The following MEIS2 variants were observed in gnomAD, a reference collection of about 807,000 sequenced individuals.
MEIS2 encodes the protein homeobox protein Meis2.
Under a neutral mutation model 58.6 loss-of-function variants are expected in MEIS2, and 9 were observed. The observed-to-expected ratio is 0.15, with a 90% CI of 0.09 to 0.27. The LOEUF is 0.27. Among genes scored for constraint, MEIS2 ranks in the 10% least tolerant of loss-of-function variants. MEIS2 has a pLI of 1.00. For synonymous variants in MEIS2, 221 were observed against 228.4 expected, an observed-to-expected ratio of 0.97 and a Z score of 0.29; for missense variants, 427 against 635.0, an observed-to-expected ratio of 0.67 and a Z score of 3.52.
chr15:36,918,841 C>A (rs1336473695), intron 9 of MEIS2, among the ~76,000 whole-genome samples: 1 of 152,106 alleles, frequency 6.6e-6, no homozygotes, highest in Non-Finnish European at 1.5e-5. Context: ...AGAAAAGGTA[C>A]CGGACTGAAG....
At chr15:36,938,969 G>T (rs1471121587) in intron 9 of MEIS2, among the ~76,000 whole-genome samples, 1 of 152,098 alleles carries the variant, frequency 6.6e-6, no homozygotes, top group African/African-American at 2.4e-5. Flanking sequence ...TGTGGACAGG[G>T]GTGTCAGCCT....
intron 9 of MEIS2, chr15:36,897,569 T>G (rs1274811641): frequency 6.6e-6 from 1 of 152,114 alleles, no homozygotes; most frequent in Non-Finnish European, 1.5e-5. Flanking sequence ...ACAAACAGAG[T>G]AAGATGATAA....
chr15:37,003,388 T>A (rs36117261), intron 8 of MEIS2, among the ~76,000 whole-genome samples: 270 of 152,234 alleles, frequency 1.8e-3, no homozygotes, highest in Non-Finnish European at 2.6e-3. Flanking sequence ...AAATTTTCTG[T>A]TTTAAAATTG....
intron 8 of MEIS2, among the ~76,000 whole-genome samples, chr15:36,971,186 T>C (rs1224332528): frequency 1.3e-5 from 2 of 152,114 alleles, no homozygotes; most frequent in Admixed American, 6.5e-5. Context: ...AAAAACCTGT[T>C]TGGCCATATT....
At chr15:37,040,010 C>T (rs559687125) in intron 7 of MEIS2, among the ~76,000 whole-genome samples, 17 of 151,016 alleles carry the variant, frequency 1.1e-4, no homozygotes, top group African/African-American at 4.1e-4. Flanking sequence ...AATTTTGCAG[C>T]TGATGCTAGA....
chr15:37,010,161 C>A (rs1226168089), intron 8 of MEIS2, among the ~76,000 whole-genome samples: 1 of 151,970 alleles, frequency 6.6e-6, no homozygotes, highest in Non-Finnish European at 1.5e-5. Context: ...GATCTCGGCT[C>A]ACTGCAAGCT....
intron 9 of MEIS2, among the ~76,000 whole-genome samples, chr15:36,945,962 C>A (rs1183666846): frequency 6.6e-6 from 1 of 151,932 alleles, no homozygotes; most frequent in Non-Finnish European, 1.5e-5. Flanking sequence ...TGTTGGTATA[C>A]AACTAGGCTG....
chr15:36,981,355 C>T (rs2059922905), intron 8 of MEIS2, among the ~76,000 whole-genome samples: 1 of 151,654 alleles, frequency 6.6e-6, no homozygotes, highest in African/African-American at 2.4e-5. Context: ...GCAATTATAC[C>T]ATTTACTAGT....
intron 8 of MEIS2, among the ~76,000 whole-genome samples, chr15:37,001,785 T>C (rs192781799): frequency 9.8e-5 from 15 of 152,340 alleles, no homozygotes; most frequent in Middle Eastern, 3.4e-3. Flanking sequence ...TTTCTTTAGA[T>C]TCATCCATGG....
rs1228336082 is a variant in MEIS2 at position 36,889,441 on chromosome 15, G to A, written c.*2732C>T. Reference sequence around the variant, plus strand: ...ATCTATCACTTCTCTGTGTTATCATGGGGTTGGGGGTGGGGGAGAGCAAGG... The same window carrying A: ...ATCTATCACTTCTCTGTGTTATCATAGGGTTGGGGGTGGGGGAGAGCAAGG... On this transcript the variant is annotated 3_prime_UTR_variant, in exon 12 of 12. Transcript: ENST00000561208. 6.6e-6 allele frequency: 1 copy of A among 152,142 alleles called. No individual in the cohort carries two copies. The highest frequency in any genetic ancestry group is 1.5e-5 in the Non-Finnish European group (1 of 68,026). The allele number at this position is 152,142 out of a possible 1,614,324, so 9.4% of individuals were successfully genotyped here. A position where few individuals can be genotyped will look rare whatever the true frequency, so the allele number is the denominator to read the frequency against.
intron 9 of MEIS2, among the ~76,000 whole-genome samples, chr15:36,921,398 T>C (rs1022370726): frequency 6.6e-6 from 1 of 152,242 alleles, no homozygotes; most frequent in Non-Finnish European, 1.5e-5. Flanking sequence ...TCATTAACTA[T>C]ACTCAGACTC....
chr15:37,099,009 G>A (rs1485732130), intron 1 of MEIS2: 2 of 983,166 alleles, frequency 2.0e-6, no homozygotes, highest in South Asian at 4.5e-5. Context: ...GCGGCAGCGC[G>A]GCCCCAGCGG....
At chr15:36,922,108 C>A (rs1462903596) in intron 9 of MEIS2, among the ~76,000 whole-genome samples, 1 of 152,158 alleles carries the variant, frequency 6.6e-6, no homozygotes, top group East Asian at 1.9e-4. Flanking sequence ...GCTCTTTCCA[C>A]AGGATAACGC....
intron 8 of MEIS2, among the ~76,000 whole-genome samples, chr15:36,952,035 G>A (rs1377911606): frequency 6.6e-6 from 1 of 152,122 alleles, no homozygotes; most frequent in Non-Finnish European, 1.5e-5. Context: ...TTGCCTGTCA[G>A]GTGCTGCACT....
At chr15:37,034,024 T>C (rs1392155458) in intron 8 of MEIS2, among the ~76,000 whole-genome samples, 2 of 151,134 alleles carry the variant, frequency 1.3e-5, no homozygotes, top group Non-Finnish European at 3.0e-5. Flanking sequence ...GAGAGAAAGA[T>C]GGGAGACAAA....
chr15:36,987,476 G>A (rs1282010114), intron 8 of MEIS2, among the ~76,000 whole-genome samples: 1 of 151,580 alleles, frequency 6.6e-6, no homozygotes, highest in African/African-American at 2.4e-5. Flanking sequence ...AATTTTACCT[G>A]CAGCAAGCCC....
chr15:36,920,443 G>A (rs145081984), intron 9 of MEIS2, among the ~76,000 whole-genome samples: 1,568 of 152,270 alleles, frequency 0.01, 24 homozygotes, highest in African/African-American at 0.036. Flanking sequence ...CACGGCGCCC[G>A]GTCTATACTG....
chr15:36,954,019 G>A (rs1211501862), intron 8 of MEIS2, among the ~76,000 whole-genome samples: 1 of 152,034 alleles, frequency 6.6e-6, no homozygotes, highest in East Asian at 1.9e-4. Context: ...TTTATTCTGT[G>A]TTAAAAGAAT....
chr15:36,929,331 C>T (rs72708686), intron 9 of MEIS2, among the ~76,000 whole-genome samples: 7,501 of 152,246 alleles, frequency 0.049, 216 homozygotes, highest in Middle Eastern at 0.088. Context: ...TAAATATCAG[C>T]TCTGGCCAAG....
Sources: allele counts gnomAD v4.1 joint callset (sites outside exome capture counted in the v4.1 genomes callset), GRCh38; gene constraint gnomAD v4.1.1; transcripts MANE v1.5; gene names NCBI Gene and HGNC (gene_info 2026-07-23, HGNC 2026-07-21).